RASGEF1C: variants seen among roughly 807,000 people sequenced by gnomAD.
RASGEF1C encodes the protein RasGEF domain family member 1C, also known as ras-GEF domain-containing family member 1C.
RASGEF1C carries 27 observed loss-of-function variants against 58.1 expected under a neutral mutation model. That is an observed-to-expected ratio of 0.46 (90% CI 0.34 to 0.64). The LOEUF is 0.64. Ranked by LOEUF, RASGEF1C falls within the 30% of genes least tolerant of loss-of-function variation. RASGEF1C has a pLI of 0.01. For missense variants in RASGEF1C, 502 were observed against 605.1 expected (o/e 0.83, Z 1.79); for synonymous variants, 243 against 246.3 (o/e 0.99, Z 0.13).
chr5:180,190,414 T>G (rs183305581), intron 1 of RASGEF1C, among the ~76,000 whole-genome samples: 2 of 143,468 alleles, frequency 1.4e-5, no homozygotes, highest in African/African-American at 5.1e-5. Flanking sequence ...GGCGTGAACC[T>G]GGGAGGCGGA....
rs1463880559 is a variant in RASGEF1C at position 180,156,633 on chromosome 5, A to G, written c.-6-18575T>C. 1.3e-5 allele frequency among the ~76,000 whole-genome samples: 2 copies of G among 152,088 alleles called. No individual in the cohort carries two copies. The highest frequency in any genetic ancestry group is 2.4e-5 in the African/African-American group (1 of 41,410). On this transcript the variant is annotated intron_variant, in intron 1 of 13. Coordinates refer to ENST00000361132, the MANE Select transcript of RASGEF1C (RefSeq NM_175062.4). This position sits in a 1 kb window ranked among gnomAD's most constrained non-coding sequence, Gnocchi z 4.9. ...AAAATTACTAAAAAATTAGCTGGGC[A>G]TGGTGGCGTGCATCTGCAGTCCCAG...
At chr5:180,152,514 GA>G (rs1766770589) in intron 1 of RASGEF1C, among the ~76,000 whole-genome samples, 1 of 138,898 alleles carries the variant, frequency 7.2e-6, no homozygotes, top group African/African-American at 2.7e-5. Context: ...ATTGAACAAT[GA>G]GAACACATGG....
intron 1 of RASGEF1C, among the ~76,000 whole-genome samples, chr5:180,182,340 A>G (rs1326788297): frequency 1.3e-5 from 2 of 151,836 alleles, no homozygotes; most frequent in African/African-American, 2.4e-5. Context: ...TCAAGAATGA[A>G]GCCGCGGACC....
chr5:180,178,281 T>C (rs1322641017), intron 1 of RASGEF1C, among the ~76,000 whole-genome samples: 1 of 130,456 alleles, frequency 7.7e-6, no homozygotes, highest in African/African-American at 2.9e-5. Flanking sequence ...CTGGCTTTTT[T>C]TTTTTTTTTT....
At chr5:180,145,524 A>G (rs2113286240) in intron 1 of RASGEF1C, among the ~76,000 whole-genome samples, 1 of 152,276 alleles carries the variant, frequency 6.6e-6, no homozygotes, top group Middle Eastern at 3.4e-3. Context: ...TGGCCATCCT[A>G]ATGGGTGGGA....
Position 180,101,255 on chromosome 5 carries a change from T to A in RASGEF1C, c.*246A>T. On this transcript the variant is annotated 3_prime_UTR_variant, in exon 14 of 14. Coordinates refer to ENST00000361132, the MANE Select transcript of RASGEF1C (RefSeq NM_175062.4). ...AGGCCCCACGGTCCTGAAGGCAGGA[T>A]GTCCCCAAGGCATGTGCCGCCCGCA... 2 of 563,318 alleles carry A rather than the reference T, an allele frequency of 3.6e-6. No individual in the cohort carries two copies. The highest frequency in any genetic ancestry group is 6.3e-6 in the Non-Finnish European group (2 of 315,398). The allele number at this position is 563,318 out of a possible 1,614,324, so 34.9% of individuals were successfully genotyped here. A position where few individuals can be genotyped will look rare whatever the true frequency, so the allele number is the denominator to read the frequency against.
chr5:180,133,813 T>C (rs1766419898), intron 4 of RASGEF1C, among the ~76,000 whole-genome samples: 1 of 152,144 alleles, frequency 6.6e-6, no homozygotes, highest in Admixed American at 6.5e-5. Flanking sequence ...CAAGGAAAGT[T>C]CTGTAAAACT....
rs372055290 is a variant in RASGEF1C at position 180,143,962 on chromosome 5, G to C, written c.-6-5904C>G. On this transcript the variant is annotated intron_variant, in intron 1 of 13. Transcript: ENST00000361132. This position sits in a 1 kb window ranked among gnomAD's most constrained non-coding sequence, Gnocchi z 4.3. ...ACAGAGGTAAAGAAGGCTCCCGAAG[G>C]CCCCTGTGAGGACCACGCGCGTGTC... Among the ~76,000 whole-genome samples the C allele has an allele frequency of 6.6e-6, 1 of 152,156 alleles. No homozygotes were observed. The highest frequency in any genetic ancestry group is 2.4e-5 in the African/African-American group (1 of 41,434).
chr5:180,182,567 T>C (rs1767365011), intron 1 of RASGEF1C, among the ~76,000 whole-genome samples: 1 of 152,202 alleles, frequency 6.6e-6, no homozygotes, highest in Non-Finnish European at 1.5e-5. Context: ...GATTGGTCCA[T>C]TTTATAGTGT....
chr5:180,102,628 G>A (rs1032760647), intron 12 of RASGEF1C, among the ~76,000 whole-genome samples: 1 of 151,976 alleles, frequency 6.6e-6, no homozygotes, highest in African/African-American at 2.4e-5. Context: ...CGGATGCTCC[G>A]GCACTGTTTG....
intron 1 of RASGEF1C, among the ~76,000 whole-genome samples, chr5:180,188,882 A>G (rs1756095530): frequency 6.6e-6 from 1 of 152,198 alleles, no homozygotes; most frequent in African/African-American, 2.4e-5. Flanking sequence ...TATGTCCACG[A>G]ATACCCAGCA....
intron 1 of RASGEF1C, among the ~76,000 whole-genome samples, chr5:180,188,845 G>T (rs1429964641): frequency 6.6e-6 from 1 of 152,064 alleles, no homozygotes; most frequent in African/African-American, 2.4e-5. Flanking sequence ...CCCTCTAGTA[G>T]TCCTCAGTGT....
chr5:180,152,566 G>A (rs1485852235), intron 1 of RASGEF1C, among the ~76,000 whole-genome samples: 2 of 115,702 alleles, frequency 1.7e-5, no homozygotes, highest in African/African-American at 3.3e-5. Context: ...CCTGTTGTGG[G>A]GTGGGGGGAG....
Position 180,177,078 on chromosome 5 carries a change from G to A in RASGEF1C, c.-7+31950C>T, listed in dbSNP as rs906653231. Among the ~76,000 whole-genome samples the A allele has an allele frequency of 1.3e-5, 2 of 152,124 alleles. No homozygotes were observed. The highest frequency in any genetic ancestry group is 2.4e-5 in the African/African-American group (1 of 41,434). ...TGCAGACGAGGGGTTTCCAAGGGAC[G>A]GCAACTTTTGCCAGCATGGAGGAGG... On this transcript the variant is annotated intron_variant, in intron 1 of 13. Transcript: ENST00000361132. This position sits in a 1 kb window ranked among gnomAD's most constrained non-coding sequence, Gnocchi z 5.0.
chr5:180,181,076 C>T (rs914435027), intron 1 of RASGEF1C, among the ~76,000 whole-genome samples: 2 of 152,144 alleles, frequency 1.3e-5, no homozygotes, highest in African/African-American at 2.4e-5. Context: ...AGCAAGAGGA[C>T]GAACAGGAAC....
chr5:180,109,339 TC>T (rs1467910644), intron 12 of RASGEF1C, among the ~76,000 whole-genome samples: 1 of 152,108 alleles, frequency 6.6e-6, no homozygotes, highest in African/African-American at 2.4e-5. Context: ...GTGCCTGTAG[TC>T]CCAGCTACTC....
chr5:180,131,957 C>T (rs1034575668), intron 4 of RASGEF1C, among the ~76,000 whole-genome samples: 5 of 152,198 alleles, frequency 3.3e-5, no homozygotes, highest in African/African-American at 1.2e-4. Context: ...TTCTATGCCC[C>T]CTCTGAGTGT....
At chr5:180,173,687 G>A (rs1442420662) in intron 1 of RASGEF1C, among the ~76,000 whole-genome samples, 1 of 152,088 alleles carries the variant, frequency 6.6e-6, no homozygotes, top group Non-Finnish European at 1.5e-5. Context: ...GGCCAAGGTG[G>A]GCAGATCACA....
rs1156831010 is a variant in RASGEF1C at position 180,182,204 on chromosome 5, C to CAAAAAAAAAAAA, written c.-7+26812_-7+26823dup. 4.6e-3 allele frequency among the ~76,000 whole-genome samples: 105 copies of CAAAAAAAAAAAA among 22,764 alleles called. 4 individuals are homozygous for CAAAAAAAAAAAA. The highest frequency in any genetic ancestry group is 0.017 in the East Asian group (8 of 468). The allele number at this position is 22,764 out of a possible 152,430, so 14.9% of individuals were successfully genotyped here. ...TGGGCAACAGAGCAAGACTCCGTCT[C>CAAAAAAAAAAAA]AAAAAAAAAAAAAAAAAAAAAAAAA... On this transcript the variant is annotated intron_variant, in intron 1 of 13. Transcript: ENST00000361132.
Sources: allele counts gnomAD v4.1 joint callset (sites outside exome capture counted in the v4.1 genomes callset), GRCh38; gene constraint gnomAD v4.1.1; non-coding constraint Gnocchi (gnomAD v3.1); transcripts MANE v1.5; gene names NCBI Gene and HGNC (gene_info 2026-07-23, HGNC 2026-07-21).